CNTLN: variants seen among roughly 807,000 people sequenced by gnomAD.
CNTLN encodes centlein, centrosomal protein.
A neutral mutation model predicts 180.0 loss-of-function variants in CNTLN; 212 were observed. The ratio of observed to expected loss-of-function variants is 1.18; its 90% CI spans 1.05 to 1.32. CNTLN has a LOEUF of 1.32. Among genes scored for constraint, CNTLN ranks in the 40% most tolerant of loss-of-function variants. The pLI, the probability that CNTLN is intolerant of heterozygous loss-of-function variation, is 0.00. For missense variants in CNTLN, 2,095 were observed against 1,610.9 expected (o/e 1.30, Z -5.14); for synonymous variants, 722 against 563.1 (o/e 1.28, Z -3.99).
At chr9:17,504,808 G>T (rs868448494), downstream of CNTLN, among the ~76,000 whole-genome samples, 3 of 152,174 alleles carry the variant, frequency 2.0e-5, no homozygotes, top group African/African-American at 7.2e-5. Context: ...ATTCTTCCTG[G>T]AGCCTTAGGA....
intron 7 of CNTLN, among the ~76,000 whole-genome samples, chr9:17,304,928 G>C (rs1587592346): frequency 6.6e-6 from 1 of 151,816 alleles, no homozygotes; most frequent in African/African-American, 2.4e-5. Context: ...ATTCACTTGG[G>C]TCCTGGAAAC....
chr9:17,158,572 C>A (rs991332143), intron 2 of CNTLN, among the ~76,000 whole-genome samples: 1 of 151,818 alleles, frequency 6.6e-6, no homozygotes, highest in Non-Finnish European at 1.5e-5. Flanking sequence ...TAGGTTGATT[C>A]AGATTTTCTA....
In CNTLN at chr9:17,395,008, G is replaced by T. The variant is rs758175775; in HGVS notation, c.2554G>T (p.Val852Phe). The T allele has an allele frequency of 1.2e-6, 2 of 1,613,390 alleles. No individual in the cohort carries two copies. The highest frequency in any genetic ancestry group is 1.3e-5 in the African/African-American group (1 of 74,906). ...CACTGTTCTCAATCATTCCATCAAG[G>T]TTATGAGCAATGTGTTTGAGAACCT... is the stretch of plus-strand genomic sequence containing the variant. Reference protein sequence around the residue: ...HHTVLNHSIKVMSNVFENLSK... With the variant: ...HHTVLNHSIKFMSNVFENLSK... The change falls in exon 15 of 26, where the codon GTT (valine) becomes TTT (phenylalanine). Residue 852 changes from valine (V) to phenylalanine (F), a missense_variant. Physicochemically the swap from Val to Phe is conservative, Grantham distance 50. Transcript: ENST00000380647.
chr9:17,166,728 A>T (rs1401595593), intron 2 of CNTLN: 1 of 262,350 alleles, frequency 3.8e-6, no homozygotes, highest in Non-Finnish European at 7.9e-6. Context: ...CTAAAATTCT[A>T]TAACCAGCCA....
chr9:17,388,425 G>C (rs1825853726), intron 14 of CNTLN, among the ~76,000 whole-genome samples, 172 bp downstream of exon 14: 1 of 152,154 alleles, frequency 6.6e-6, no homozygotes, highest in African/African-American at 2.4e-5. Context: ...ATCAATGTTA[G>C]TGAAATAAAT....
intron 14 of CNTLN, among the ~76,000 whole-genome samples, chr9:17,390,699 G>T (rs1826047505): frequency 6.6e-6 from 1 of 152,052 alleles, no homozygotes; most frequent in South Asian, 2.1e-4. Flanking sequence ...TGCTGTTTTT[G>T]AAGGATTAAA....
rs138199445 is a variant in CNTLN at position 17,345,080 on chromosome 9, A to G, written c.1886+2636A>G. On this transcript the variant is annotated intron_variant, in intron 12 of 25. Coordinates refer to ENST00000380647, the MANE Select transcript of CNTLN (RefSeq NM_017738.4). ...ATGTTCCTTTTTATTGCTAAATGAT[A>G]TTCCATTTTATGGATGGACCACCTT... Among the ~76,000 whole-genome samples the G allele has an allele frequency of 5.2e-3, 796 of 152,288 alleles. 5 individuals carry two copies. The highest frequency in any genetic ancestry group is 0.018 in the African/African-American group (765 of 41,566).
At chr9:17,213,414 T>A (rs557886977) in intron 2 of CNTLN, among the ~76,000 whole-genome samples, 61 of 152,362 alleles carry the variant, frequency 4.0e-4, no homozygotes, top group African/African-American at 1.3e-3. Flanking sequence ...CACTGTGGTC[T>A]GAGAGACAGT....
chr9:17,433,827 C>A (rs1048455892), intron 18 of CNTLN, among the ~76,000 whole-genome samples: 1 of 152,184 alleles, frequency 6.6e-6, no homozygotes, highest in African/African-American at 2.4e-5. Flanking sequence ...GCAGTCCTCT[C>A]ACCTTGGCCT....
At chr9:17,212,279 TG>T (rs1823378556) in intron 2 of CNTLN, among the ~76,000 whole-genome samples, 1 of 152,248 alleles carries the variant, frequency 6.6e-6, no homozygotes, top group Non-Finnish European at 1.5e-5. Context: ...TGTTGAATTT[TG>T]TCAAAGGCCT....
At chr9:17,509,223 A>G in the CNTLN span, among the ~76,000 whole-genome samples, 1,687 of 152,274 alleles carry the variant, frequency 0.011, 22 homozygotes, top group African/African-American at 0.038. Flanking sequence ...AGTAGCACAG[A>G]CCAACACTCA....
intron 5 of CNTLN, among the ~76,000 whole-genome samples, chr9:17,254,012 T>A (rs766359267): frequency 2.0e-5 from 3 of 151,726 alleles, no homozygotes. Context: ...ATCATGATTT[T>A]TCTGTATTAA....
chr9:17,240,905 C>T (rs1456480940), intron 5 of CNTLN, among the ~76,000 whole-genome samples: 5 of 152,112 alleles, frequency 3.3e-5, no homozygotes, highest in African/African-American at 1.2e-4. Flanking sequence ...GTCACCCAGG[C>T]TGGAGTGCAG....
chr9:17,425,577 A>G (rs371078176), intron 18 of CNTLN, among the ~76,000 whole-genome samples: 1 of 152,190 alleles, frequency 6.6e-6, no homozygotes, highest in Admixed American at 6.5e-5. Flanking sequence ...GCAGTAACAC[A>G]TCAAATGTGG....
chr9:17,180,159 C>T (rs1219984151), intron 2 of CNTLN, among the ~76,000 whole-genome samples: 1 of 149,066 alleles, frequency 6.7e-6, no homozygotes, highest in African/African-American at 2.4e-5. Flanking sequence ...TATTTACATT[C>T]AGCTTGATTA....
At chr9:17,335,362 C>T (rs907933903) in intron 10 of CNTLN, among the ~76,000 whole-genome samples, 3 of 152,030 alleles carry the variant, frequency 2.0e-5, no homozygotes, top group African/African-American at 4.8e-5. Flanking sequence ...ACTAAAAATA[C>T]AAAAATTAGC....
intron 8 of CNTLN, among the ~76,000 whole-genome samples, chr9:17,328,387 C>T (rs568559364): frequency 3.9e-5 from 6 of 152,112 alleles, no homozygotes; most frequent in South Asian, 2.1e-4. Flanking sequence ...CTTTGCTTTT[C>T]GTGAAAAATC....
At chr9:17,385,027 T>A (rs1038857593) in intron 13 of CNTLN, among the ~76,000 whole-genome samples, 8 of 152,044 alleles carry the variant, frequency 5.3e-5, no homozygotes, top group Admixed American at 1.3e-4. Context: ...AAATTGGGGG[T>A]TCCCAGGAGC....
chr9:17,459,544 C>T (rs749695449), intron 19 of CNTLN, among the ~76,000 whole-genome samples: 8 of 151,800 alleles, frequency 5.3e-5, no homozygotes, highest in Non-Finnish European at 1.0e-4. Flanking sequence ...TTGTCTACTA[C>T]TAAAAATTTT....
Sources: gnomAD v4.1 joint callset for allele counts (sites outside exome capture counted in the v4.1 genomes callset) on GRCh38, gnomAD v4.1.1 for gene constraint, MANE v1.5 for transcripts, NCBI Gene and HGNC (gene_info 2026-07-23, HGNC 2026-07-21) for gene names.